DPP6: variants seen among roughly 807,000 people sequenced by gnomAD.
The protein encoded by DPP6 is dipeptidyl peptidase like 6.
A neutral mutation model predicts 122.6 loss-of-function variants in DPP6; 69 were observed. The ratio of observed to expected loss-of-function variants is 0.56; its 90% CI spans 0.46 to 0.69. DPP6 has a LOEUF of 0.69. Among genes scored for constraint, DPP6 ranks in the 30% least tolerant of loss-of-function variants. The pLI is 0.00. For synonymous variants in DPP6, 418 were observed against 433.1 expected, an observed-to-expected ratio of 0.97 and a Z score of 0.43; for missense variants, 928 against 1,116.9, an observed-to-expected ratio of 0.83 and a Z score of 2.41.
In DPP6 at chr7:153,887,615, A is replaced by C. The variant is rs1798987773; in HGVS notation, c.-69A>C. ...TCTTCAGCCAGTCCAGTCTACTTTA[A>C]TCCTCACCAGGACAATGGATTAAGT... On this transcript the variant is annotated 5_prime_UTR_variant, in exon 1 of 26. Transcript: ENST00000404039. The C allele has an allele frequency of 1.9e-6, 3 of 1,588,540 alleles. No homozygotes were observed. The African/African-American group carries it at 4.0e-5, about 21-fold the overall frequency.
chr7:154,541,403 G>A (rs1024744695), intron 4 of DPP6, among the ~76,000 whole-genome samples: 4 of 152,198 alleles, frequency 2.6e-5, no homozygotes, highest in African/African-American at 9.6e-5. Context: ...CCAAAGTGCC[G>A]GGATTACAGG....
At chr7:153,786,026 A>G in the DPP6 span, among the ~76,000 whole-genome samples, 1 of 151,876 alleles carries the variant, frequency 6.6e-6, no homozygotes, top group Non-Finnish European at 1.5e-5. Flanking sequence ...TCTACTGCTT[A>G]TGTTTGCTAA....
intron 1 of DPP6, among the ~76,000 whole-genome samples, chr7:154,021,773 A>C (rs71534058): frequency 1.3e-5 from 2 of 152,178 alleles, no homozygotes; most frequent in East Asian, 1.9e-4. Flanking sequence ...TCAGTCTCCT[A>C]TGGTGTCCCA....
chr7:154,175,024 C>A (rs1306283321), intron 1 of DPP6, among the ~76,000 whole-genome samples: 2 of 152,024 alleles, frequency 1.3e-5, no homozygotes, highest in Non-Finnish European at 2.9e-5. Flanking sequence ...CAGGCCCCTG[C>A]AACACGCGCC....
At chr7:153,755,744 T>C in the DPP6 span, among the ~76,000 whole-genome samples, 1 of 151,996 alleles carries the variant, frequency 6.6e-6, no homozygotes, top group Non-Finnish European at 1.5e-5. Context: ...TTAGCACTGA[T>C]TCCCTTTCTG....
At chr7:153,825,256 T>C in the DPP6 span, among the ~76,000 whole-genome samples, 132,908 of 152,052 alleles carry the variant, frequency 0.87, 58,168 homozygotes, top group Admixed American at 0.9. Flanking sequence ...AATGGTCCTG[T>C]TCTCTCATCT....
In DPP6 at chr7:153,957,558, C is replaced by T. The variant is rs140988990; in HGVS notation, c.51+69824C>T. On this transcript the variant is annotated intron_variant, in intron 1 of 25. Transcript: ENST00000404039. ...GAGATGCAAACTCCTCAGGTTATGG[C>T]AAGTGAGGGCGAGAAGGAGGCCTGG... Among the ~76,000 whole-genome samples, 617 of 152,242 alleles carry T rather than the reference C, an allele frequency of 4.1e-3. 1 individual carries two copies. The highest frequency in any genetic ancestry group is 0.014 in the African/African-American group (574 of 41,530).
At chr7:153,889,477 C>A (rs1014392648) in intron 1 of DPP6, among the ~76,000 whole-genome samples, 9 of 152,156 alleles carry the variant, frequency 5.9e-5, no homozygotes, top group African/African-American at 1.7e-4. Flanking sequence ...ACTGATAAGG[C>A]AACATTATTG....
At chr7:154,454,060 C>G (rs1225780005) in intron 2 of DPP6, among the ~76,000 whole-genome samples, 1 of 152,146 alleles carries the variant, frequency 6.6e-6, no homozygotes, top group Admixed American at 6.5e-5. Flanking sequence ...CATTTTCTCT[C>G]TGTTAGGGCT....
intron 1 of DPP6, among the ~76,000 whole-genome samples, chr7:154,397,756 A>G (rs562648747): frequency 6.6e-6 from 1 of 152,240 alleles, no homozygotes; most frequent in South Asian, 2.1e-4. Flanking sequence ...TCACTTTTAA[A>G]CACTCCTGAG....
intron 1 of DPP6, among the ~76,000 whole-genome samples, chr7:154,292,312 G>C (rs1032100819): frequency 1.3e-5 from 2 of 152,094 alleles, no homozygotes; most frequent in African/African-American, 2.4e-5. Flanking sequence ...TCCCACGCAG[G>C]GTGGGCTTTG....
intron 1 of DPP6, among the ~76,000 whole-genome samples, chr7:154,222,394 G>A (rs534043775): frequency 3.4e-4 from 52 of 152,156 alleles, no homozygotes; most frequent in Non-Finnish European, 2.6e-4. Flanking sequence ...AGTGGCTCAC[G>A]CCTGTAATCC....
chr7:154,433,136 G>GTTTTTTTTTTTTT lies in DPP6; in HGVS notation c.244-13063_244-13051dup, dbSNP rs548053204. ...TAATGGCTCTCATACTAGACTGCAAGTTTTTTTTTTTTTTTTTTTTTTTTT... is the reference window on the plus strand; with the variant it reads ...TAATGGCTCTCATACTAGACTGCAAGTTTTTTTTTTTTTTTTTTTTTTTTTTTTTTTTTTTTTT... On this transcript the variant is annotated intron_variant, in intron 1 of 25. Transcript: ENST00000377770. Among the ~76,000 whole-genome samples, 44 of 72,346 alleles carry GTTTTTTTTTTTTT rather than the reference G, an allele frequency of 6.1e-4. 7 individuals carry two copies. The highest frequency in any genetic ancestry group is 2.6e-3 in the African/African-American group (44 of 16,824). The allele number at this position is 72,346 out of a possible 152,430, so 47.5% of individuals were successfully genotyped here. A position where few individuals can be genotyped will look rare whatever the true frequency, so the allele number is the denominator to read the frequency against.
Position 154,152,021 on chromosome 7 carries a change from G to A in DPP6, c.243+98958G>A, listed in dbSNP as rs1405398591. Among the ~76,000 whole-genome samples the A allele has an allele frequency of 4.7e-3, 716 of 150,818 alleles. 5 individuals carry two copies. Among genetic ancestry groups the A allele is most frequent in the African/African-American group, 0.017 (695 of 40,746 alleles). ...CTGCCTTCATCTTTCGCCTCTCTAT[G>A]CCCTGTTCTTTGAGCTTAGCCTGGG... On this transcript the variant is annotated intron_variant, in intron 1 of 25. Transcript: ENST00000377770.
intron 6 of DPP6, among the ~76,000 whole-genome samples, chr7:154,643,432 A>G (rs1836231992): frequency 6.6e-6 from 1 of 151,828 alleles, no homozygotes; most frequent in Non-Finnish European, 1.5e-5. Flanking sequence ...GACTTATATA[A>G]TAAAATGTTA....
chr7:154,244,827 G>A (rs533664649), intron 1 of DPP6, among the ~76,000 whole-genome samples: 50 of 152,168 alleles, frequency 3.3e-4, no homozygotes, highest in South Asian at 1.0e-3. Flanking sequence ...AGAAATATAT[G>A]AGTATAGGAA....
chr7:153,870,265 C>A, the DPP6 span, among the ~76,000 whole-genome samples: 1 of 152,222 alleles, frequency 6.6e-6, no homozygotes, highest in Admixed American at 6.5e-5. Flanking sequence ...TGATTCCATT[C>A]TCCCTGTCAC....
At chr7:154,410,449 T>A (rs1816501169) in intron 1 of DPP6, among the ~76,000 whole-genome samples, 1 of 152,258 alleles carries the variant, frequency 6.6e-6, no homozygotes, top group Admixed American at 6.5e-5. Context: ...TGGTTTTTCA[T>A]CCACATTTCA....
intron 3 of DPP6, among the ~76,000 whole-genome samples, chr7:154,479,772 T>G (rs1275310803): frequency 6.6e-6 from 1 of 152,068 alleles, no homozygotes; most frequent in Non-Finnish European, 1.5e-5. Context: ...CTAGGGGCTG[T>G]GATGAGATAT....
Sources: allele counts gnomAD v4.1 joint callset (sites outside exome capture counted in the v4.1 genomes callset), GRCh38; gene constraint gnomAD v4.1.1; transcripts MANE v1.5; gene names NCBI Gene and HGNC (gene_info 2026-07-23, HGNC 2026-07-21).